Variants in FAM53B observed in about 807,000 individuals in gnomAD.
FAM53B encodes the protein protein FAM53B.
A neutral mutation model predicts 32.7 loss-of-function variants in FAM53B; 12 were observed. That is an observed-to-expected ratio of 0.37 (90% CI 0.24 to 0.59). The LOEUF (loss-of-function observed/expected upper bound fraction) is 0.59. Ranked by LOEUF, FAM53B falls within the 20% of genes least tolerant of loss-of-function variation. The pLI, the probability that FAM53B is intolerant of heterozygous loss-of-function variation, is 0.72. For synonymous variants in FAM53B, 234 were observed against 228.7 expected (o/e 1.02, Z -0.21); for missense variants, 477 against 577.7 (o/e 0.83, Z 1.79).
chr10:124,702,615 C>T (rs1949922537), intron 2 of FAM53B, among the ~76,000 whole-genome samples: 2 of 152,192 alleles, frequency 1.3e-5, no homozygotes, highest in Non-Finnish European at 1.5e-5. Context: ...GGCAGCCCCT[C>T]CCTGGGCTCT....
Position 124,670,572 on chromosome 10 carries a change from G to A in FAM53B, c.906+11035C>T, listed in dbSNP as rs574346260. ...GCCCTGCGCTCACCACGCCCACTCCGACCCCAGTCACCGCAGCCTCGCCAT... is the reference window on the plus strand; with the variant it reads ...GCCCTGCGCTCACCACGCCCACTCCAACCCCAGTCACCGCAGCCTCGCCAT... On this transcript the variant is annotated intron_variant, in intron 4 of 4. Transcript: ENST00000337318. 7.1e-4 allele frequency among the ~76,000 whole-genome samples: 108 copies of A among 152,016 alleles called. 3 individuals are homozygous for A. In the South Asian group the frequency reaches 0.022, roughly 30 times the overall value.
At chr10:124,634,161 T>C (rs1949411105) in intron 4 of FAM53B, among the ~76,000 whole-genome samples, 1 of 152,202 alleles carries the variant, frequency 6.6e-6, no homozygotes. Context: ...CAAATGTCTA[T>C]CAACTGGTGA....
At position 124,620,787 on chromosome 10, in the gene FAM53B, AAGC is replaced by A. The variant is rs1024622716; in HGVS notation, c.*2452_*2454del. 2.0e-5 allele frequency: 3 copies of A among 152,436 alleles called. No individual in the cohort carries two copies. Among genetic ancestry groups the A allele is most frequent in the African/African-American group, 7.2e-5 (3 of 41,436 alleles). 9.4% of individuals were successfully genotyped at this position (152,436 alleles called of 1,614,324 possible). ...CCAGCTAAAGGCCATTTCTTTCTCT[AAGC>A]AGAAGGGATAGCCACCATTTTCTCC... On this transcript the variant is annotated 3_prime_UTR_variant, in exon 5 of 5. Transcript: ENST00000337318.
At chr10:124,666,788 CGAG>C (rs1949675780) in intron 4 of FAM53B, among the ~76,000 whole-genome samples, 1 of 152,224 alleles carries the variant, frequency 6.6e-6, no homozygotes, top group Admixed American at 6.5e-5. Context: ...ACCAGCCCCA[CGAG>C]GAGGGTGGAG....
At chr10:124,671,388 G>A (rs1949706536) in intron 4 of FAM53B, among the ~76,000 whole-genome samples, 1 of 152,242 alleles carries the variant, frequency 6.6e-6, no homozygotes, top group African/African-American at 2.4e-5. Flanking sequence ...GCAGCTTCCT[G>A]TAGCTGCTTC....
intron 4 of FAM53B, among the ~76,000 whole-genome samples, chr10:124,654,188 C>T (rs1949572049): frequency 6.6e-6 from 1 of 152,252 alleles, no homozygotes; most frequent in African/African-American, 2.4e-5. Flanking sequence ...GAGAAAAATG[C>T]ATGTTGTGAA....
intron 1 of FAM53B, among the ~76,000 whole-genome samples, chr10:124,727,019 GTTAC>G (rs1950108418): frequency 6.6e-6 from 1 of 152,026 alleles, no homozygotes; most frequent in Non-Finnish European, 1.5e-5. Flanking sequence ...TATTTATTTA[GTTAC>G]TTATTTATAT....
In FAM53B at chr10:124,682,567, G is replaced by C. The variant is rs1048153213; in HGVS notation, c.134-188C>G. Among the ~76,000 whole-genome samples the C allele has an allele frequency of 1.3e-5, 2 of 152,116 alleles. No homozygotes were observed. Among genetic ancestry groups the C allele is most frequent in the African/African-American group, 2.4e-5 (1 of 41,426 alleles). ...CTGAGAGAGGAGAAGTGAATCCCAA[G>C]GCTTTGAGTTGGAAGTTGGAAGCAG... On this transcript the variant is annotated intron_variant, in intron 3 of 4. Coordinates refer to ENST00000337318, the MANE Select transcript of FAM53B (RefSeq NM_014661.4). This position sits in a 1 kb window ranked among gnomAD's most constrained non-coding sequence, Gnocchi z 5.2.
intron 4 of FAM53B, among the ~76,000 whole-genome samples, chr10:124,669,430 G>C (rs1026021846): frequency 6.6e-6 from 1 of 152,224 alleles, no homozygotes; most frequent in African/African-American, 2.4e-5. Context: ...CCTGCTCATA[G>C]CTCAAGAAAT....
At chr10:124,668,519 C>A (rs1403357551) in intron 4 of FAM53B, among the ~76,000 whole-genome samples, 1 of 152,282 alleles carries the variant, frequency 6.6e-6, no homozygotes, top group Non-Finnish European at 1.5e-5. Context: ...TCAGTTAGAA[C>A]TGCCTGGCAG....
intron 1 of FAM53B, among the ~76,000 whole-genome samples, chr10:124,731,193 G>A (rs564964188): frequency 1.4e-4 from 22 of 152,334 alleles, no homozygotes; most frequent in Admixed American, 4.6e-4. Context: ...ATGAATTAAC[G>A]GCGAAGCCTA....
In FAM53B at chr10:124,733,939, C is replaced by T. The variant is rs1183573607; in HGVS notation, c.-175+10074G>A. 1.3e-5 allele frequency among the ~76,000 whole-genome samples: 2 copies of T among 152,208 alleles called. No homozygotes were observed. The highest frequency in any genetic ancestry group is 3.8e-4 in the East Asian group (2 of 5,202). ...GTCTCCCAGATTCCCTGACACAGTCCCATGGTGCTGTGACTGGGGACACCT... is the reference window on the plus strand; with the variant it reads ...GTCTCCCAGATTCCCTGACACAGTCTCATGGTGCTGTGACTGGGGACACCT... On this transcript the variant is annotated intron_variant, in intron 1 of 4. Coordinates refer to ENST00000337318, the MANE Select transcript of FAM53B (RefSeq NM_014661.4). The surrounding 1 kb of genome is among the most constrained non-coding windows in gnomAD (Gnocchi z 4.3).
At chr10:124,690,402 C>T (rs1949826203) in intron 3 of FAM53B, among the ~76,000 whole-genome samples, 1 of 152,210 alleles carries the variant, frequency 6.6e-6, no homozygotes, top group Admixed American at 6.5e-5. Context: ...GTCTGTAGAC[C>T]CAAGGTCATG....
intron 4 of FAM53B, among the ~76,000 whole-genome samples, chr10:124,626,416 G>A: frequency 7.1e-6 from 1 of 140,370 alleles, no homozygotes; most frequent in Non-Finnish European, 1.6e-5. Context: ...ATTCCTCAGT[G>A]CAAAAGGTGG....
intron 1 of FAM53B, among the ~76,000 whole-genome samples, chr10:124,725,823 G>A (rs982246649): frequency 1.5e-4 from 23 of 152,264 alleles, no homozygotes; most frequent in African/African-American, 4.3e-4. Context: ...AAACATCTCC[G>A]GGAATCTAGT....
At chr10:124,664,480 G>A (rs530939073) in intron 4 of FAM53B, among the ~76,000 whole-genome samples, 3 of 152,328 alleles carry the variant, frequency 2.0e-5, no homozygotes, top group South Asian at 2.1e-4. Context: ...GCCCAGATCC[G>A]CCATCACAAT....
intron 1 of FAM53B, chr10:124,713,856 G>A (rs907161254): frequency 6.6e-6 from 1 of 152,172 alleles, no homozygotes; most frequent in African/African-American, 2.4e-5. Flanking sequence ...GGTGGCTCCC[G>A]GAAGTCATTG....
At chr10:124,737,318 G>C (rs1163562647) in intron 1 of FAM53B, among the ~76,000 whole-genome samples, 1 of 152,102 alleles carries the variant, frequency 6.6e-6, no homozygotes, top group Admixed American at 6.5e-5. Flanking sequence ...CACACTTTTG[G>C]CAAAGAGGCC....
intron 4 of FAM53B, among the ~76,000 whole-genome samples, chr10:124,624,843 CAGTG>C: frequency 6.6e-6 from 1 of 152,224 alleles, no homozygotes; most frequent in Admixed American, 6.5e-5. Context: ...GAGGCTGAGA[CAGTG>C]AGGGGCACTC....
Sources: allele counts gnomAD v4.1 joint callset (sites outside exome capture counted in the v4.1 genomes callset), GRCh38; gene constraint gnomAD v4.1.1; non-coding constraint Gnocchi (gnomAD v3.1); transcripts MANE v1.5; gene names NCBI Gene and HGNC (gene_info 2026-07-23, HGNC 2026-07-21).